Variants in CFAP92 observed in about 807,000 individuals in gnomAD.
CFAP92 encodes the protein uncharacterized protein CFAP92.
CFAP92 carries 86 observed loss-of-function variants against 106.3 expected under a neutral mutation model. The ratio of observed to expected loss-of-function variants is 0.81; its 90% CI spans 0.68 to 0.97. The LOEUF (loss-of-function observed/expected upper bound fraction) is 0.97, where lower values mean the gene tolerates loss of function less well. Ranked by LOEUF, CFAP92 falls within the 50% of genes least tolerant of loss-of-function variation. The probability of loss-of-function intolerance (pLI) is 0.00; values close to 1 mark genes in which losing one functional copy is unlikely to be tolerated. For synonymous variants in CFAP92, 477 were observed against 506.4 expected (o/e 0.94, Z 0.78); for missense variants, 1,204 against 1,283.8 (o/e 0.94, Z 0.95).
intron 10 of CFAP92, among the ~76,000 whole-genome samples, chr3:128,941,663 G>T (rs1179197995): frequency 6.6e-6 from 1 of 152,134 alleles, no homozygotes; most frequent in East Asian, 1.9e-4. Flanking sequence ...TTTTAGTAGA[G>T]ATGGGGTTTC....
intron 12 of CFAP92, among the ~76,000 whole-genome samples, chr3:128,929,805 C>T (rs1177364596): frequency 2.0e-5 from 3 of 152,122 alleles, no homozygotes; most frequent in African/African-American, 7.2e-5. Context: ...CATGAGAATA[C>T]TTTTTGTGGT....
At chr3:128,949,138 T>C (rs1940546075) in intron 9 of CFAP92, among the ~76,000 whole-genome samples, 1 of 152,218 alleles carries the variant, frequency 6.6e-6, no homozygotes, top group Non-Finnish European at 1.5e-5. Flanking sequence ...TCAGCCGCAC[T>C]GGAAAATGGT....
intron 9 of CFAP92, among the ~76,000 whole-genome samples, chr3:128,964,377 C>T (rs965801108): frequency 1.3e-5 from 2 of 152,126 alleles, no homozygotes. Context: ...TGAGACTGTG[C>T]CCCCAAAAAA....
rs568678921 is a variant in CFAP92, at chr3:128,939,987, G to A, written c.2259-4668C>T. 3.3e-5 allele frequency among the ~76,000 whole-genome samples: 5 copies of A among 152,318 alleles called. 1 individual carries two copies. The East Asian group carries it at 5.8e-4, about 18-fold the overall frequency. ...GGTCCATGGCCTAGGGGTTGGAGAC[G>A]CCTGTACTAATCTACTTTCTGATAG... On this transcript the variant is annotated intron_variant, in intron 10 of 15. Transcript: ENST00000645291.
intron 12 of CFAP92, among the ~76,000 whole-genome samples, chr3:128,927,233 T>G (rs1446714443): frequency 1.3e-5 from 2 of 152,110 alleles, no homozygotes; most frequent in Non-Finnish European, 2.9e-5. Context: ...GTCAGACTCT[T>G]AATTTTGGAC....
chr3:129,012,109 C>T, the CFAP92 span, among the ~76,000 whole-genome samples: 2 of 152,346 alleles, frequency 1.3e-5, no homozygotes, highest in East Asian at 3.9e-4. Flanking sequence ...CACCCTTGGC[C>T]ATGACCTGCC....
rs184119370 is a variant in CFAP92 at position 128,981,252 on chromosome 3, C to G, written c.668-3067G>C. ...AGGGTTTCACCACGTTAGTTAGGAT[C>G]GTCTTGATCTCCTGACCTCGTGATC... On this transcript the variant is annotated intron_variant, in intron 4 of 15. Transcript: ENST00000645291. Among the ~76,000 whole-genome samples, 307 of 151,632 alleles carry G rather than the reference C, an allele frequency of 2.0e-3. 4 individuals are homozygous for G. The highest frequency in any genetic ancestry group is 7.2e-3 in the African/African-American group (296 of 41,296).
intron 1 of CFAP92, chr3:129,001,672 C>A: frequency 2.8e-6 from 4 of 1,446,274 alleles, no homozygotes; most frequent in Non-Finnish European, 3.6e-6. Context: ...ATGGAGGGCG[C>A]GGGAGGTGAC....
intron 12 of CFAP92, among the ~76,000 whole-genome samples, chr3:128,918,462 G>C (rs1356098020): frequency 6.6e-6 from 1 of 152,184 alleles, no homozygotes; most frequent in Non-Finnish European, 1.5e-5. Context: ...GACAGAGCCA[G>C]ACTCCGTCTC....
intron 9 of CFAP92, among the ~76,000 whole-genome samples, chr3:128,964,803 C>T (rs896961907): frequency 2.6e-5 from 4 of 152,084 alleles, no homozygotes; most frequent in Non-Finnish European, 4.4e-5. Flanking sequence ...CTTAATCTCT[C>T]CCACTCTAGG....
At chr3:128,958,517 G>A (rs1165526775) in intron 9 of CFAP92, among the ~76,000 whole-genome samples, 1 of 152,176 alleles carries the variant, frequency 6.6e-6, no homozygotes, top group Non-Finnish European at 1.5e-5. Flanking sequence ...GGACCTCTCT[G>A]TACTGTCTTT....
chr3:128,917,872 A>G (rs789238), intron 12 of CFAP92, among the ~76,000 whole-genome samples: 66,399 of 152,070 alleles, frequency 0.44, 16,999 homozygotes, highest in African/African-American at 0.7. Context: ...AATAACAGAA[A>G]TCCCAAAAGG....
At chr3:128,926,768 G>T (rs904105463) in intron 12 of CFAP92, among the ~76,000 whole-genome samples, 3 of 152,116 alleles carry the variant, frequency 2.0e-5, no homozygotes, top group African/African-American at 7.2e-5. Flanking sequence ...TAAGGTTGGG[G>T]CCCAGATCTG....
chr3:128,961,666 C>G (rs1212620069), intron 9 of CFAP92, among the ~76,000 whole-genome samples: 1 of 152,234 alleles, frequency 6.6e-6, no homozygotes, highest in African/African-American at 2.4e-5. Context: ...CAGTTCATGG[C>G]AGCAACCCTG....
At chr3:128,965,135 A>G (rs1027937672) in intron 9 of CFAP92, among the ~76,000 whole-genome samples, 12 of 152,028 alleles carry the variant, frequency 7.9e-5, no homozygotes, top group Admixed American at 2.0e-4. Context: ...GTACTTTGTA[A>G]TCTCCCCCAC....
intron 10 of CFAP92, among the ~76,000 whole-genome samples, chr3:128,938,587 G>C (rs1196649112): frequency 2.0e-5 from 3 of 151,446 alleles, no homozygotes; most frequent in Non-Finnish European, 4.4e-5. Flanking sequence ...TCCACCTCCC[G>C]GGTTCATGCC....
intron 1 of CFAP92, chr3:129,002,415 C>A: frequency 1.4e-6 from 2 of 1,430,762 alleles, no homozygotes; most frequent in Non-Finnish European, 1.8e-6. Flanking sequence ...AGGACAGAGT[C>A]AGAGGAAGGG....
At chr3:128,962,312 G>A (rs1360339738) in intron 9 of CFAP92, among the ~76,000 whole-genome samples, 5 of 151,986 alleles carry the variant, frequency 3.3e-5, no homozygotes, top group African/African-American at 1.2e-4. Context: ...TCTTTTCAAG[G>A]GCCTGTTTCC....
chr3:128,950,280 C>T (rs995320503), intron 9 of CFAP92, among the ~76,000 whole-genome samples: 3 of 152,188 alleles, frequency 2.0e-5, no homozygotes, highest in South Asian at 2.1e-4. Context: ...TTCCCACCAA[C>T]GCCCCACTCA....
Sources: allele counts gnomAD v4.1 joint callset (sites outside exome capture counted in the v4.1 genomes callset), GRCh38; gene constraint gnomAD v4.1.1; transcripts MANE v1.5; gene names NCBI Gene and HGNC (gene_info 2026-07-23, HGNC 2026-07-21).